ARHGAP15: variants seen among roughly 807,000 people sequenced by gnomAD.
The protein encoded by ARHGAP15 is rho GTPase-activating protein 15.
Under a neutral mutation model 63.7 loss-of-function variants are expected in ARHGAP15, and 51 were observed. That is an observed-to-expected ratio of 0.80 (90% CI 0.64 to 1.01). The LOEUF (loss-of-function observed/expected upper bound fraction) is 1.01. Ranked by LOEUF, ARHGAP15 falls within the 50% of genes least tolerant of loss-of-function variation. ARHGAP15 has a pLI of 0.00. For synonymous variants in ARHGAP15, 191 were observed against 193.8 expected (o/e 0.99, Z 0.12); for missense variants, 560 against 564.6 (o/e 0.99, Z 0.08).
intron 9 of ARHGAP15, among the ~76,000 whole-genome samples, chr2:143,488,719 A>G (rs1284385856): frequency 6.6e-6 from 1 of 152,256 alleles, no homozygotes; most frequent in South Asian, 2.1e-4. Context: ...TGTTCAATCT[A>G]TCAGTTTCCG....
At chr2:143,372,394 C>G (rs1047005452) in intron 6 of ARHGAP15, among the ~76,000 whole-genome samples, 28 of 144,974 alleles carry the variant, frequency 1.9e-4, no homozygotes, top group Admixed American at 1.9e-3. Flanking sequence ...TCCAAGAGTT[C>G]TATTTCACCA....
At chr2:143,627,611 A>G (rs935431121) in intron 12 of ARHGAP15, among the ~76,000 whole-genome samples, 3 of 152,098 alleles carry the variant, frequency 2.0e-5, no homozygotes, top group African/African-American at 4.8e-5. Flanking sequence ...AAATCTATGC[A>G]GTGAGAAACT....
intron 12 of ARHGAP15, among the ~76,000 whole-genome samples, chr2:143,652,477 G>C (rs1681220163): frequency 6.6e-6 from 1 of 152,002 alleles, no homozygotes; most frequent in African/African-American, 2.4e-5. Flanking sequence ...TTAAAAGCTT[G>C]CCAAAATTTT....
chr2:143,468,328 T>C (rs1026783555), intron 8 of ARHGAP15, among the ~76,000 whole-genome samples: 2 of 152,090 alleles, frequency 1.3e-5, no homozygotes, highest in African/African-American at 2.4e-5. Flanking sequence ...AAGTGATCTC[T>C]GATGACTATT....
chr2:143,606,545 T>A (rs1177347585), intron 11 of ARHGAP15, among the ~76,000 whole-genome samples: 1 of 152,168 alleles, frequency 6.6e-6, no homozygotes, highest in African/African-American at 2.4e-5. Context: ...CATATCAGAG[T>A]AGTTAAAAGT....
intron 8 of ARHGAP15, among the ~76,000 whole-genome samples, chr2:143,477,293 A>G (rs570837272): frequency 1.3e-5 from 2 of 152,224 alleles, no homozygotes; most frequent in African/African-American, 4.8e-5. Context: ...AAATGTTGAA[A>G]AAGTGAGAGA....
chr2:143,230,292 GGTTT>G (rs1203739982), intron 5 of ARHGAP15, among the ~76,000 whole-genome samples: 1 of 152,032 alleles, frequency 6.6e-6, no homozygotes, highest in Non-Finnish European at 1.5e-5. Flanking sequence ...TAAAGCATTT[GGTTT>G]ATTTTTATTT....
chr2:143,133,666 G>A (rs974515115), intron 1 of ARHGAP15, among the ~76,000 whole-genome samples: 2 of 151,964 alleles, frequency 1.3e-5, no homozygotes, highest in African/African-American at 4.8e-5. Context: ...TTTAATTTAA[G>A]AATAGATGAT....
chr2:143,166,785 AC>A (rs577110400), intron 2 of ARHGAP15, among the ~76,000 whole-genome samples: 69 of 152,138 alleles, frequency 4.5e-4, no homozygotes, highest in African/African-American at 1.6e-3. Context: ...CCTGATTTTA[AC>A]CTACTTTAAA....
At chr2:143,538,312 A>G (rs1694876007) in intron 10 of ARHGAP15, among the ~76,000 whole-genome samples, 1 of 152,246 alleles carries the variant, frequency 6.6e-6, no homozygotes, top group Non-Finnish European at 1.5e-5. Context: ...ATATACAATC[A>G]TGTCATCTGC....
intron 12 of ARHGAP15, among the ~76,000 whole-genome samples, chr2:143,637,942 C>T (rs113195500): frequency 0.19 from 28,125 of 151,780 alleles, 2,824 homozygotes; most frequent in South Asian, 0.24. Flanking sequence ...AAATCTAAAC[C>T]GCAATGAGAT....
intron 6 of ARHGAP15, among the ~76,000 whole-genome samples, chr2:143,330,108 A>AC (rs1684453989): frequency 3.6e-5 from 3 of 82,748 alleles, no homozygotes; most frequent in African/African-American, 9.2e-5. Flanking sequence ...AAAAAAAAAA[A>AC]AAAAAAAAAA....
At chr2:143,742,147 C>G (rs1685986530) in intron 13 of ARHGAP15, among the ~76,000 whole-genome samples, 1 of 152,128 alleles carries the variant, frequency 6.6e-6, no homozygotes, top group Non-Finnish European at 1.5e-5. Flanking sequence ...CCTTAGGACA[C>G]ACCAGAGGCA....
intron 8 of ARHGAP15, among the ~76,000 whole-genome samples, chr2:143,454,671 G>A (rs963795636): frequency 5.3e-5 from 8 of 152,000 alleles, no homozygotes; most frequent in South Asian, 2.1e-4. Context: ...TTTTTCTTAC[G>A]TTCATAATAT....
intron 13 of ARHGAP15, among the ~76,000 whole-genome samples, chr2:143,734,570 C>T (rs1041583549): frequency 6.6e-6 from 1 of 152,120 alleles, no homozygotes; most frequent in Admixed American, 6.5e-5. Context: ...ATACAAGAAA[C>T]AGGAATTGGT....
intron 6 of ARHGAP15, among the ~76,000 whole-genome samples, chr2:143,426,419 G>C (rs1439685744): frequency 6.6e-6 from 1 of 152,134 alleles, no homozygotes; most frequent in Admixed American, 6.6e-5. Context: ...TACAGAAGTT[G>C]TGAGTAATGA....
At chr2:143,249,972 C>T (rs949003608) in intron 5 of ARHGAP15, among the ~76,000 whole-genome samples, 1 of 152,014 alleles carries the variant, frequency 6.6e-6, no homozygotes, top group East Asian at 1.9e-4. Flanking sequence ...GAAACACAAA[C>T]CTGAAAGGGG....
intron 3 of ARHGAP15, among the ~76,000 whole-genome samples, chr2:143,211,956 G>A (rs1241921438): frequency 6.6e-6 from 1 of 152,126 alleles, no homozygotes; most frequent in Non-Finnish European, 1.5e-5. Flanking sequence ...TGAGGCATAA[G>A]GACCATGTGG....
rs150464342 is a variant in ARHGAP15, at chr2:143,418,661, C to T, written c.475-16940C>T. Among the ~76,000 whole-genome samples, 260 of 151,826 alleles carry T rather than the reference C, an allele frequency of 1.7e-3. 1 individual carries two copies. Among genetic ancestry groups the T allele is most frequent in the African/African-American group, 6.2e-3 (258 of 41,392 alleles). On this transcript the variant is annotated intron_variant, in intron 6 of 13. Transcript: ENST00000295095. ...TTGGAAAAATTACAAAGAAGTAATA[C>T]CTAAAGCTTACAATGGAAAAATTAA... is the stretch of plus-strand genomic sequence containing the variant.
Sources: allele counts gnomAD v4.1 joint callset (sites outside exome capture counted in the v4.1 genomes callset), GRCh38; gene constraint gnomAD v4.1.1; transcripts MANE v1.5; gene names NCBI Gene and HGNC (gene_info 2026-07-23, HGNC 2026-07-21).